The following NRXN3 variants were observed in gnomAD, a reference collection of about 807,000 sequenced individuals.
NRXN3 encodes neurexin 3, also known as neurexin III.
In NRXN3, 32 loss-of-function variants were observed where a neutral mutation model predicts 137.6. That is an observed-to-expected ratio of 0.23 (90% CI 0.18 to 0.31). The LOEUF is 0.31. Among genes scored for constraint, NRXN3 ranks in the 10% least tolerant of loss-of-function variants. The pLI is 1.00. For synonymous variants in NRXN3, 798 were observed against 784.5 expected, an observed-to-expected ratio of 1.02 and a Z score of -0.29; for missense variants, 1,574 against 2,062.5, an observed-to-expected ratio of 0.76 and a Z score of 4.59.
At chr14:78,303,993 T>A (rs906462032) in intron 4 of NRXN3, among the ~76,000 whole-genome samples, 3 of 152,178 alleles carry the variant, frequency 2.0e-5, no homozygotes, top group African/African-American at 7.2e-5. Flanking sequence ...AAGTAATGGT[T>A]TAACTGAACT....
rs192102060 is a variant in NRXN3, at chr14:78,913,826, C to A, written c.2276-43416C>A. Among the ~76,000 whole-genome samples the A allele has an allele frequency of 7.9e-5, 12 of 152,270 alleles. No individual in the cohort carries two copies. In the East Asian group the frequency reaches 2.3e-3, roughly 29 times the overall value. On this transcript the variant is annotated intron_variant, in intron 10 of 20. Coordinates refer to ENST00000335750, the MANE Select transcript of NRXN3 (RefSeq NM_001330195.2). ...CCTCATGGGAAGGTGGGAGCTCTGG[C>A]TTTCCCCACACTTGGTAATCTCAGG... is the stretch of plus-strand genomic sequence containing the variant.
chr14:78,742,868 T>C (rs945467611), intron 8 of NRXN3, among the ~76,000 whole-genome samples: 1 of 152,246 alleles, frequency 6.6e-6, no homozygotes. Context: ...TATAAATCCT[T>C]AGTTTTCTAC....
At chr14:79,231,705 A>T (rs1176615378) in intron 15 of NRXN3, among the ~76,000 whole-genome samples, 2 of 152,200 alleles carry the variant, frequency 1.3e-5, no homozygotes, top group African/African-American at 2.4e-5. Flanking sequence ...AAGGAAGAAC[A>T]TCTCAATTTT....
At chr14:79,755,179 C>T (rs145569694) in intron 19 of NRXN3, among the ~76,000 whole-genome samples, 1 of 152,014 alleles carries the variant, frequency 6.6e-6, no homozygotes, top group Non-Finnish European at 1.5e-5. Flanking sequence ...TGATATAAAC[C>T]TATACATATC....
chr14:78,756,738 T>C (rs1265048975), intron 8 of NRXN3, among the ~76,000 whole-genome samples: 4 of 152,196 alleles, frequency 2.6e-5, no homozygotes, highest in African/African-American at 9.7e-5. Context: ...TTTGCACAAT[T>C]AACAGCTATA....
chr14:78,297,686 G>A, intron 3 of NRXN3, 145 bp from the exon 4 acceptor site: 1 of 661,096 alleles, frequency 1.5e-6, no homozygotes, highest in Non-Finnish European at 2.7e-6. Context: ...AGTCTGACAT[G>A]TGAGCAAGCG....
intron 15 of NRXN3, chr14:79,200,091 A>G (rs560993474): frequency 6.6e-6 from 1 of 152,330 alleles, no homozygotes; most frequent in Non-Finnish European, 1.5e-5. Flanking sequence ...TAAGATATCA[A>G]TGAGACATAT....
At position 79,542,237 on chromosome 14, in the gene NRXN3, C is replaced by T. The variant is rs972207515; in HGVS notation, c.3444+74835C>T. Among the ~76,000 whole-genome samples, 37 of 152,140 alleles carry T rather than the reference C, an allele frequency of 2.4e-4. 2 individuals carry two copies. The highest frequency in any genetic ancestry group is 2.4e-3 in the Admixed American group (36 of 15,270). Reference sequence around the variant, plus strand: ...GAATAACAAGATCTAGCCATGAGTGCCAGGTTACGTTCCAGATGTCACAGG... The same window carrying T: ...GAATAACAAGATCTAGCCATGAGTGTCAGGTTACGTTCCAGATGTCACAGG... On this transcript the variant is annotated intron_variant, in intron 16 of 20. Transcript: ENST00000335750.
intron 8 of NRXN3, among the ~76,000 whole-genome samples, chr14:78,742,836 A>G (rs2098585554): frequency 1.3e-5 from 2 of 152,250 alleles, no homozygotes; most frequent in South Asian, 4.1e-4. Context: ...GATTCTAACG[A>G]TAAGAATGTT....
At chr14:79,083,981 T>C (rs2047571048) in intron 15 of NRXN3, among the ~76,000 whole-genome samples, 1 of 152,170 alleles carries the variant, frequency 6.6e-6, no homozygotes, top group Admixed American at 6.5e-5. Context: ...CACAGCCTAC[T>C]GCAGCCTCGA....
chr14:78,965,609 G>A (rs1413294994), intron 11 of NRXN3, among the ~76,000 whole-genome samples: 2 of 152,156 alleles, frequency 1.3e-5, no homozygotes, highest in Non-Finnish European at 2.9e-5. Flanking sequence ...AGTACTAAGT[G>A]GAGAGTTATT....
intron 6 of NRXN3, among the ~76,000 whole-genome samples, chr14:78,704,737 T>C (rs1052333857): frequency 8.5e-5 from 13 of 152,178 alleles, no homozygotes; most frequent in Non-Finnish European, 1.2e-4. Context: ...TGGGCAAGTA[T>C]GTATCCCTGC....
intron 15 of NRXN3, among the ~76,000 whole-genome samples, chr14:79,158,810 C>T (rs539443226): frequency 7.2e-5 from 11 of 151,920 alleles, no homozygotes; most frequent in South Asian, 2.1e-4. Flanking sequence ...CATACTAATG[C>T]ATTCTTTTTG....
intron 8 of NRXN3, among the ~76,000 whole-genome samples, chr14:78,764,589 T>C (rs1448516725): frequency 6.6e-6 from 1 of 152,204 alleles, no homozygotes; most frequent in Non-Finnish European, 1.5e-5. Context: ...GAATAACAAT[T>C]GCTAAGCTTA....
At chr14:79,484,434 G>A (rs2096637417) in intron 16 of NRXN3, among the ~76,000 whole-genome samples, 1 of 152,160 alleles carries the variant, frequency 6.6e-6, no homozygotes, top group Non-Finnish European at 1.5e-5. Context: ...ATTTTTAAAT[G>A]CAGATATTTC....
chr14:78,276,996 A>G (rs2073694061), intron 2 of NRXN3, among the ~76,000 whole-genome samples: 3 of 152,182 alleles, frequency 2.0e-5, no homozygotes, highest in Admixed American at 2.0e-4. Context: ...CCCTAAATCT[A>G]ACACACTAGA....
At chr14:78,471,108 T>C (rs2153729148) in intron 4 of NRXN3, among the ~76,000 whole-genome samples, 1 of 152,284 alleles carries the variant, frequency 6.6e-6, no homozygotes, top group Non-Finnish European at 1.5e-5. Context: ...GGGAGGGACA[T>C]GGCACTGGCA....
chr14:78,219,473 GACTC>G (rs139627476), intron 1 of NRXN3, among the ~76,000 whole-genome samples: 1,547 of 152,264 alleles, frequency 0.01, 38 homozygotes, highest in African/African-American at 0.035. Context: ...ACCAATAAAG[GACTC>G]AGTGGAAAGC....
chr14:79,280,003 C>T, intron 15 of NRXN3: 1 of 1,194,520 alleles, frequency 8.4e-7, no homozygotes, highest in Non-Finnish European at 1.0e-6. Flanking sequence ...ACATGCGTGG[C>T]ATGCCGGGGC....
Sources: allele counts gnomAD v4.1 joint callset (sites outside exome capture counted in the v4.1 genomes callset), GRCh38; gene constraint gnomAD v4.1.1; transcripts MANE v1.5; gene names NCBI Gene and HGNC (gene_info 2026-07-23, HGNC 2026-07-21).